Variants in CFAP47 observed in about 807,000 individuals in gnomAD.
The protein encoded by CFAP47 is cilia and flagella associated protein 47.
In CFAP47, 29 loss-of-function variants were observed where a neutral mutation model predicts 148.1. That is an observed-to-expected ratio of 0.20 (90% CI 0.15 to 0.27). The LOEUF is 0.27. CFAP47 is among the 10% of genes least tolerant of loss of function. The pLI, the probability that CFAP47 is intolerant of heterozygous loss-of-function variation, is 1.00. For synonymous variants in CFAP47, 664 were observed against 577.3 expected (o/e 1.15, Z -2.15); for missense variants, 1,872 against 1,697.5 (o/e 1.10, Z -1.81).
chrX:36,087,354 C>T (rs1938107274), intron 30 of CFAP47, among the ~76,000 whole-genome samples: 1 of 112,152 alleles, frequency 8.9e-6, no homozygotes, highest in South Asian at 3.7e-4. Flanking sequence ...CTGTTAATCA[C>T]AAATAACAGA....
intron 33 of CFAP47, among the ~76,000 whole-genome samples, chrX:36,115,944 G>T (rs1390192306): frequency 9.0e-6 from 1 of 111,660 alleles, no homozygotes; most frequent in Non-Finnish European, 1.9e-5. Context: ...TTTCTTTATA[G>T]TTTGAATAAA....
intron 49 of CFAP47, among the ~76,000 whole-genome samples, chrX:36,273,674 T>C (rs1940983734): frequency 2.7e-5 from 3 of 111,413 alleles, no homozygotes; most frequent in African/African-American, 9.8e-5. Context: ...AGCATGTACA[T>C]ATGTTGTGAA....
intron 28 of CFAP47, 96 bp downstream of exon 28, chrX:36,072,067 A>G: frequency 7.4e-6 from 5 of 676,455 alleles, no homozygotes; most frequent in Non-Finnish European, 1.1e-5. Context: ...ACAAATAACA[A>G]GAAATTCATG....
intron 30 of CFAP47, among the ~76,000 whole-genome samples, chrX:36,091,189 T>C (rs1408479275): frequency 2.7e-5 from 3 of 111,348 alleles, no homozygotes; most frequent in Non-Finnish European, 5.7e-5. Context: ...TTTCTTGTCC[T>C]CAATTTTACC....
intron 44 of CFAP47, among the ~76,000 whole-genome samples, chrX:36,203,734 T>C (rs1438527406): frequency 1.8e-5 from 2 of 112,078 alleles, no homozygotes; most frequent in Admixed American, 1.9e-4. Flanking sequence ...TTGCTTCACT[T>C]ACACTTAGAG....
At chrX:36,067,614 T>C in intron 27 of CFAP47, among the ~76,000 whole-genome samples, 1 of 110,358 alleles carries the variant, frequency 9.1e-6, no homozygotes, top group Non-Finnish European at 1.9e-5. Context: ...CCTCCTACAA[T>C]GGTCTCCCCT....
intron 21 of CFAP47, among the ~76,000 whole-genome samples, chrX:36,003,803 G>T (rs1425629875): frequency 9.2e-6 from 1 of 108,632 alleles, no homozygotes; most frequent in South Asian, 4.0e-4. Context: ...AAAATAAAGG[G>T]CATCTAAATA....
intron 42 of CFAP47, among the ~76,000 whole-genome samples, chrX:36,199,008 C>T (rs1939948131): frequency 8.9e-6 from 1 of 112,157 alleles, no homozygotes; most frequent in African/African-American, 3.2e-5. Flanking sequence ...GTTTTTTTGA[C>T]ACTGCCAAAG....
chrX:36,255,500 A>C (rs1940739522), intron 49 of CFAP47, among the ~76,000 whole-genome samples: 2 of 110,685 alleles, frequency 1.8e-5, no homozygotes, highest in South Asian at 7.8e-4. Flanking sequence ...TTGATCAGTC[A>C]TTGAAAGTGG....
At position 35,924,027 on chromosome X, in the gene CFAP47, A is replaced by ATGCACATATATGTGTACATGTACATG. The variant is rs1569201025; in HGVS notation, c.250-1989_250-1988insGCACATATATGTGTACATGTACATGT. Among the ~76,000 whole-genome samples, 21 of 95,784 alleles carry ATGCACATATATGTGTACATGTACATG rather than the reference A, an allele frequency of 2.2e-4. 1 individual carries two copies. Among genetic ancestry groups the ATGCACATATATGTGTACATGTACATG allele is most frequent in the African/African-American group, 9.3e-4 (21 of 22,483 alleles). 83.2% of individuals were successfully genotyped at this position (95,784 alleles called of 115,157 possible). A position where few individuals can be genotyped will look rare whatever the true frequency, so the allele number is the denominator to read the frequency against. On this transcript the variant is annotated intron_variant, in intron 1 of 63. Transcript: ENST00000378653. The stretch of plus-strand genomic sequence containing the variant: ...TATGTGTAAATATATATGCACATAT[A>ATGCACATATATGTGTACATGTACATG]TATGCACATATATGTGTATATGTAC...
intron 48 of CFAP47, 47 bp from the exon 49 acceptor site, chrX:36,251,286 T>A: frequency 2.3e-6 from 1 of 430,298 alleles, no homozygotes; most frequent in Non-Finnish European, 4.1e-6. Context: ...GTGTACTTAT[T>A]TTATGTTGAT....
At chrX:36,172,941 T>C (rs1341729499) in intron 39 of CFAP47, among the ~76,000 whole-genome samples, 1 of 110,941 alleles carries the variant, frequency 9.0e-6, no homozygotes, top group Non-Finnish European at 1.9e-5. Flanking sequence ...GACTCTTTTT[T>C]GTTGGTAAGC....
At chrX:36,189,839 G>A (rs782569446) in intron 41 of CFAP47, among the ~76,000 whole-genome samples, 1 of 112,319 alleles carries the variant, frequency 8.9e-6, no homozygotes, top group East Asian at 2.8e-4. Flanking sequence ...ATGAAATTAT[G>A]TATTAAGGAA....
Position 36,301,094 on chromosome X carries a change from G to A in CFAP47, c.7885G>A (p.Ala2629Thr), listed in dbSNP as rs1354980785. ...DESIIFQPEM[A>T]EEFWYLLKLT... is the part of the protein sequence containing the mutation. ...CAGCATTATTTTTCAGCCTGAAATG[G>A]CTGAAGAGTTCTGGTATTTACTGAA... The change falls in exon 53 of 64, where the codon GCT becomes ACT. Residue 2629 changes from alanine (A) to threonine (T), a missense_variant. By Grantham distance (58) the Ala-to-Thr change is moderately conservative. Coordinates refer to ENST00000378653, the MANE Select transcript of CFAP47 (RefSeq NM_001304548.2). 3 of 1,150,287 alleles carry A rather than the reference G, an allele frequency of 2.6e-6. No homozygotes were observed. Among genetic ancestry groups the A allele is most frequent in the Non-Finnish European group, 3.5e-6 (3 of 861,447 alleles). The allele number at this position is 1,150,287 out of a possible 1,213,427, so 94.8% of individuals were successfully genotyped here.
intron 57 of CFAP47, among the ~76,000 whole-genome samples, chrX:36,327,784 A>G (rs1251862649): frequency 1.8e-5 from 2 of 112,403 alleles, no homozygotes; most frequent in Non-Finnish European, 3.8e-5. Flanking sequence ...GCAATAAAAA[A>G]CAATGACATC....
chrX:35,922,887 T>C (rs917029301), intron 1 of CFAP47, among the ~76,000 whole-genome samples: 1 of 111,757 alleles, frequency 8.9e-6, no homozygotes, highest in African/African-American at 3.2e-5. Context: ...ATTTTGCTTA[T>C]TCTTGTTTCT....
At chrX:36,040,239 C>T (rs1188123304) in intron 25 of CFAP47, among the ~76,000 whole-genome samples, 1 of 111,891 alleles carries the variant, frequency 8.9e-6, no homozygotes, top group African/African-American at 3.2e-5. Flanking sequence ...TAAAAGTCAT[C>T]AAATAATTAT....
intron 44 of CFAP47, among the ~76,000 whole-genome samples, chrX:36,202,956 TTTTC>T (rs1196568342): frequency 9.0e-6 from 1 of 111,677 alleles, no homozygotes; most frequent in Non-Finnish European, 1.9e-5. Context: ...TTATATACAT[TTTTC>T]TTTCTTAAGA....
At chrX:36,053,365 A>G (rs1207927970) in intron 26 of CFAP47, among the ~76,000 whole-genome samples, 2 of 111,797 alleles carry the variant, frequency 1.8e-5, no homozygotes, top group African/African-American at 6.5e-5. Context: ...AAGGCAGGCA[A>G]TGGGAAATCT....
Sources: gnomAD v4.1 joint callset for allele counts (sites outside exome capture counted in the v4.1 genomes callset) on GRCh38, gnomAD v4.1.1 for gene constraint, MANE v1.5 for transcripts, NCBI Gene and HGNC (gene_info 2026-07-23, HGNC 2026-07-21) for gene names.